FAM81A: variants seen among roughly 807,000 people sequenced by gnomAD.
The protein encoded by FAM81A is protein FAM81A.
A neutral mutation model predicts 46.7 loss-of-function variants in FAM81A; 19 were observed. That is an observed-to-expected ratio of 0.41 (90% CI 0.28 to 0.60). The LOEUF (loss-of-function observed/expected upper bound fraction) is 0.60, where lower values mean the gene tolerates loss of function less well. Among genes scored for constraint, FAM81A ranks in the 20% least tolerant of loss-of-function variants. FAM81A has a pLI of 0.34. For synonymous variants in FAM81A, 183 were observed against 152.9 expected, an observed-to-expected ratio of 1.20 and a Z score of -1.45; for missense variants, 377 against 453.5, an observed-to-expected ratio of 0.83 and a Z score of 1.53.
In FAM81A at chr15:59,400,891, T is replaced by C. The variant is rs114516090; in HGVS notation, c.-160-1385T>C. On this transcript the variant is annotated intron_variant, in intron 1 of 4. Coordinates refer to the FAM81A transcript ENST00000558348. ...ATTCACTGGTTGATTAGTGTTTCTA[T>C]TGATGCATTTTTAGTAGGGTGATTC... is the stretch of plus-strand genomic sequence containing the variant. Among the ~76,000 whole-genome samples, 1,478 of 152,338 alleles carry C rather than the reference T, an allele frequency of 9.7e-3. 27 individuals carry two copies. The highest frequency in any genetic ancestry group is 0.033 in the African/African-American group (1,375 of 41,570).
At chr15:59,508,815 A>T in intron 5 of FAM81A, 48 bp from the exon 6 acceptor site, 4 of 1,405,970 alleles carry the variant, frequency 2.8e-6, no homozygotes, top group Non-Finnish European at 4.0e-6. Flanking sequence ...CTGAAGTTGC[A>T]TCTGAAGACG....
intron 3 of FAM81A, among the ~76,000 whole-genome samples, chr15:59,490,784 C>T (rs1369438688): frequency 7.2e-5 from 11 of 152,074 alleles, no homozygotes; most frequent in African/African-American, 1.9e-4. Context: ...TGCAGTGAGC[C>T]GATATCATGC....
In FAM81A at chr15:59,460,333, T is replaced by A. The variant is rs768741401; in HGVS notation, c.294+127T>A. 1.9e-4 allele frequency: 242 copies of A among 1,277,432 alleles called. 1 individual carries two copies. Among genetic ancestry groups the A allele is most frequent in the Admixed American group, 1.3e-3 (77 of 59,466 alleles). 79.1% of individuals were successfully genotyped at this position (1,277,432 alleles called of 1,614,324 possible). ...ATTTAGAACAAAGCTGTCTGTCTTG[T>A]CTATTCTTAATGATCGCCAAGGAGA... On this transcript the variant is annotated intron_variant, in intron 3 of 8. Coordinates refer to ENST00000288228, the MANE Select transcript of FAM81A (RefSeq NM_152450.3). The surrounding 1 kb of genome is among the most constrained non-coding windows in gnomAD (Gnocchi z 4.4).
chr15:59,510,972 A>G (rs2082202112), intron 6 of FAM81A, among the ~76,000 whole-genome samples: 1 of 152,000 alleles, frequency 6.6e-6, no homozygotes, highest in Non-Finnish European at 1.5e-5. Flanking sequence ...ACATGGTGAA[A>G]TCCTGTCTCT....
intron 1 of FAM81A, among the ~76,000 whole-genome samples, chr15:59,442,636 A>G (rs58050791): frequency 0.017 from 2,523 of 149,694 alleles, 74 homozygotes; most frequent in African/African-American, 0.06. Context: ...AAAAAAAAAA[A>G]AAAAGAAAAG....
At chr15:59,520,307 G>C (rs114836631) in intron 8 of FAM81A, among the ~76,000 whole-genome samples, 1 of 151,936 alleles carries the variant, frequency 6.6e-6, no homozygotes, top group Non-Finnish European at 1.5e-5. Flanking sequence ...GCTTGTACTC[G>C]TTTGTCTTTT....
At chr15:59,476,598 C>CATCTCG (rs2081772031) in intron 3 of FAM81A, among the ~76,000 whole-genome samples, 2 of 152,110 alleles carry the variant, frequency 1.3e-5, no homozygotes, top group African/African-American at 4.8e-5. Flanking sequence ...CCAGCCTGGC[C>CATCTCG]AACATGATGA....
chr15:59,510,428 A>G (rs1429361378), intron 6 of FAM81A, among the ~76,000 whole-genome samples: 1 of 151,830 alleles, frequency 6.6e-6, no homozygotes, highest in Non-Finnish European at 1.5e-5. Flanking sequence ...AGCCAAGTCT[A>G]GACACATCAG....
intron 3 of FAM81A, among the ~76,000 whole-genome samples, chr15:59,466,559 T>G (rs563577922): frequency 6.6e-6 from 1 of 152,218 alleles, no homozygotes; most frequent in South Asian, 2.1e-4. Context: ...GGTTGTTTGT[T>G]TTTTTCTTGT....
At chr15:59,428,832 T>G (rs1256110790) in intron 2 of FAM81A, among the ~76,000 whole-genome samples, 1 of 152,086 alleles carries the variant, frequency 6.6e-6, no homozygotes, top group East Asian at 1.9e-4. Flanking sequence ...GGTTTTGCCA[T>G]GTTGGCCAGG....
chr15:59,412,133 T>C (rs1462170697), intron 2 of FAM81A, among the ~76,000 whole-genome samples: 2 of 152,032 alleles, frequency 1.3e-5, no homozygotes, highest in African/African-American at 2.4e-5. Flanking sequence ...TAGATCTGCA[T>C]GTGGGCCCAG....
intron 2 of FAM81A, among the ~76,000 whole-genome samples, chr15:59,425,921 G>A (rs371361410): frequency 2.6e-5 from 4 of 152,150 alleles, no homozygotes; most frequent in African/African-American, 9.7e-5. Context: ...CACCCAGCTG[G>A]CTATTCTATT....
intron 3 of FAM81A, among the ~76,000 whole-genome samples, chr15:59,489,474 G>A (rs1382606797): frequency 6.6e-6 from 1 of 151,936 alleles, no homozygotes; most frequent in African/African-American, 2.4e-5. Flanking sequence ...TAAAATGTCT[G>A]TACTACCTGA....
intron 3 of FAM81A, among the ~76,000 whole-genome samples, chr15:59,479,519 GAAAAAAAAAAAAA>G (rs57107735): frequency 1.4e-5 from 1 of 72,676 alleles, no homozygotes; most frequent in African/African-American, 5.8e-5. Flanking sequence ...TCAAAAATAA[GAAAAAAAAAAAAA>G]AAAAAAAAAA....
chr15:59,401,772 T>C (rs1596456717), intron 1 of FAM81A: 8 of 212,602 alleles, frequency 3.8e-5, no homozygotes. Context: ...TTTTCAGCAT[T>C]TTTTTTTTTT....
At chr15:59,412,310 T>C (rs765841923) in intron 2 of FAM81A, among the ~76,000 whole-genome samples, 3 of 152,158 alleles carry the variant, frequency 2.0e-5, no homozygotes, top group Non-Finnish European at 4.4e-5. Context: ...AGAAAAGACT[T>C]GCTGAAACAG....
intron 4 of FAM81A, among the ~76,000 whole-genome samples, chr15:59,502,399 C>G (rs184128716): frequency 5.0e-4 from 76 of 151,214 alleles, no homozygotes; most frequent in African/African-American, 1.8e-3. Flanking sequence ...TCTCATTGTT[C>G]AATTCCCACC....
intron 8 of FAM81A, among the ~76,000 whole-genome samples, chr15:59,518,961 G>GTC (rs1175817351): frequency 6.6e-6 from 1 of 151,544 alleles, no homozygotes; most frequent in Non-Finnish European, 1.5e-5. Context: ...GTGTGTGTGT[G>GTC]TGTGTGTGTG....
chr15:59,520,794 C>T (rs1406866221), intron 8 of FAM81A, among the ~76,000 whole-genome samples: 2 of 152,154 alleles, frequency 1.3e-5, no homozygotes, highest in African/African-American at 2.4e-5. Flanking sequence ...GAACTCCTGA[C>T]CTCAGGTGAT....
Sources: gnomAD v4.1 joint callset for allele counts (sites outside exome capture counted in the v4.1 genomes callset) on GRCh38, gnomAD v4.1.1 for gene constraint, Gnocchi (gnomAD v3.1) non-coding constraint, MANE v1.5 for transcripts, NCBI Gene and HGNC (gene_info 2026-07-23, HGNC 2026-07-21) for gene names.